The following GPHN variants were observed in gnomAD, a reference collection of about 807,000 sequenced individuals.
GPHN encodes gephyrin.
A neutral mutation model predicts 95.5 loss-of-function variants in GPHN; 17 were observed. That is an observed-to-expected ratio of 0.18 (90% CI 0.12 to 0.27). The LOEUF (loss-of-function observed/expected upper bound fraction) is 0.27. Ranked by LOEUF, GPHN falls within the 10% of genes least tolerant of loss-of-function variation. GPHN has a pLI of 1.00. For missense variants in GPHN, 660 were observed against 978.1 expected (o/e 0.67, Z 4.34); for synonymous variants, 320 against 322.5 (o/e 0.99, Z 0.08).
intron 17 of GPHN, among the ~76,000 whole-genome samples, chr14:67,136,163 C>G (rs532001939): frequency 2.0e-5 from 3 of 152,228 alleles, no homozygotes; most frequent in African/African-American, 7.2e-5. Flanking sequence ...TTGGTTGTTA[C>G]TTAGGTTGCT....
At chr14:66,535,701 A>T (rs1281629961) in intron 1 of GPHN, among the ~76,000 whole-genome samples, 1 of 152,146 alleles carries the variant, frequency 6.6e-6, no homozygotes, top group Non-Finnish European at 1.5e-5. Flanking sequence ...ATGGCTAGCT[A>T]TTTTAATGTT....
chr14:67,379,294 C>G, the GPHN span, among the ~76,000 whole-genome samples: 2 of 152,138 alleles, frequency 1.3e-5, no homozygotes, highest in African/African-American at 4.8e-5. Context: ...CAAATCCTTG[C>G]CACAATTTGG....
At chr14:67,351,688 T>C in the GPHN span, among the ~76,000 whole-genome samples, 1 of 151,914 alleles carries the variant, frequency 6.6e-6, no homozygotes, top group African/African-American at 2.4e-5. Flanking sequence ...TTCTTCTTCT[T>C]CTTCTTCTTT....
the GPHN span, among the ~76,000 whole-genome samples, chr14:67,466,372 C>T: frequency 4.6e-5 from 7 of 152,286 alleles, no homozygotes; most frequent in African/African-American, 9.6e-5. Flanking sequence ...TGGCCAAGGC[C>T]GGAAGACTCT....
chr14:67,137,852 A>G (rs2080187284), intron 17 of GPHN, among the ~76,000 whole-genome samples: 1 of 152,166 alleles, frequency 6.6e-6, no homozygotes, highest in African/African-American at 2.4e-5. Flanking sequence ...ATGAAGAAAG[A>G]TTTAAGTGAT....
At chr14:67,582,238 G>A in the GPHN span, 13 of 1,613,132 alleles carry the variant, frequency 8.1e-6, no homozygotes, top group African/African-American at 1.2e-4. This position sits in a 1 kb window ranked among gnomAD's most constrained non-coding sequence, Gnocchi z 5.0. Flanking sequence ...AAGCAGGAGG[G>A]TCGGGTTGCC....
chr14:66,794,132 A>C (rs990345907), intron 3 of GPHN, among the ~76,000 whole-genome samples: 1 of 152,142 alleles, frequency 6.6e-6, no homozygotes, highest in African/African-American at 2.4e-5. Context: ...CTGTGTCCAC[A>C]CCCAACTCTC....
In GPHN at chr14:67,010,978, A is replaced by G. The variant is rs564070387; in HGVS notation, c.964-12655A>G. ...GTAAATGGGTATTTAGATGATATCA[A>G]ATTCTAAATTTGAGAAATCCAAGCT... On this transcript the variant is annotated intron_variant, in intron 9 of 22. Transcript: ENST00000478722. Among the ~76,000 whole-genome samples, 10 of 152,330 alleles carry G rather than the reference A, an allele frequency of 6.6e-5. No homozygotes were observed. The South Asian group carries it at 2.1e-3, about 32-fold the overall frequency.
chr14:67,452,998 T>TG, the GPHN span, among the ~76,000 whole-genome samples: 18 of 152,154 alleles, frequency 1.2e-4, no homozygotes, highest in Non-Finnish European at 2.5e-4. Flanking sequence ...GTCTAGGGCA[T>TG]GGGGGTCTCC....
the GPHN span, chr14:67,586,198 T>G: frequency 3.0e-6 from 4 of 1,349,246 alleles, no homozygotes; most frequent in Non-Finnish European, 4.2e-6. Flanking sequence ...GCAAGGGCCC[T>G]GCCCAGATAA....
intron 2 of GPHN, among the ~76,000 whole-genome samples, chr14:66,742,252 G>A (rs1478528311): frequency 6.6e-6 from 1 of 151,964 alleles, no homozygotes; most frequent in Non-Finnish European, 1.5e-5. Context: ...CCTCACTTTG[G>A]CCTTAACATT....
the GPHN span, among the ~76,000 whole-genome samples, chr14:67,238,613 T>C: frequency 6.6e-6 from 1 of 152,098 alleles, no homozygotes; most frequent in Non-Finnish European, 1.5e-5. Flanking sequence ...TCTGCCCTCT[T>C]TTAACATGAA....
intron 8 of GPHN, among the ~76,000 whole-genome samples, chr14:66,940,215 CAG>C (rs2067341548): frequency 7.6e-6 from 1 of 131,370 alleles, no homozygotes; most frequent in South Asian, 2.4e-4. Flanking sequence ...GAAGAGAGGA[CAG>C]GGAAGGAAAA....
intron 9 of GPHN, among the ~76,000 whole-genome samples, chr14:67,006,626 T>C (rs1440415151): frequency 6.6e-6 from 1 of 152,162 alleles, no homozygotes; most frequent in Non-Finnish European, 1.5e-5. Context: ...TTCTGTGTAA[T>C]GCTTGACAAA....
chr14:66,532,759 A>T (rs866516950), intron 1 of GPHN, among the ~76,000 whole-genome samples: 2 of 152,196 alleles, frequency 1.3e-5, no homozygotes, highest in Non-Finnish European at 2.9e-5. Context: ...ACTGTTTCTC[A>T]TCTTTGCTCT....
chr14:66,970,493 C>T (rs1054309556), intron 9 of GPHN, among the ~76,000 whole-genome samples: 9 of 152,148 alleles, frequency 5.9e-5, no homozygotes, highest in Admixed American at 6.5e-5. Context: ...AATATTGTCA[C>T]TATTTTCCTT....
the GPHN span, chr14:67,726,934 T>C: frequency 6.4e-7 from 1 of 1,563,722 alleles, no homozygotes. Flanking sequence ...ATGCTGAGCC[T>C]GGGCTGTCAT....
chr14:67,089,115 A>ATTTTTTTTTTTTT lies in GPHN; in HGVS notation c.1237+49_1237+50insTTTTTTTTTTTTT, dbSNP rs371624615. ...TTTCTTAAACATAATCAGGCACTGT[A>ATTTTTTTTTTTTT]TTTTTTTTTCTTTTTTTCTTTTTTT... On this transcript the variant is annotated intron_variant, in intron 12 of 22. Transcript: ENST00000478722. The ATTTTTTTTTTTTT allele has an allele frequency of 1.3e-4, 47 of 363,246 alleles. 2 individuals are homozygous for ATTTTTTTTTTTTT. Among genetic ancestry groups the ATTTTTTTTTTTTT allele is most frequent in the Non-Finnish European group, 1.9e-4 (36 of 187,030 alleles). 22.5% of individuals were successfully genotyped at this position (363,246 alleles called of 1,614,324 possible). A position where few individuals can be genotyped will look rare whatever the true frequency, so the allele number is the denominator to read the frequency against.
chr14:67,570,100 C>T, the GPHN span: 2,326 of 932,008 alleles, frequency 2.5e-3, 16 homozygotes, highest in South Asian at 2.8e-3. Context: ...GCTCTAGGGC[C>T]AGGCTTCTGC....
Sources: gnomAD v4.1 joint callset for allele counts (sites outside exome capture counted in the v4.1 genomes callset) on GRCh38, gnomAD v4.1.1 for gene constraint, Gnocchi (gnomAD v3.1) non-coding constraint, MANE v1.5 for transcripts, NCBI Gene and HGNC (gene_info 2026-07-23, HGNC 2026-07-21) for gene names.